The following HDAC9 variants were observed in gnomAD, a reference collection of about 807,000 sequenced individuals.
HDAC9 encodes histone deacetylase 9.
A neutral mutation model predicts 139.4 loss-of-function variants in HDAC9; 41 were observed. That is an observed-to-expected ratio of 0.29 (90% confidence interval 0.23 to 0.38). The LOEUF is 0.38. HDAC9 is among the 10% of genes least tolerant of loss of function. HDAC9 has a pLI of 1.00. For synonymous variants in HDAC9, 517 were observed against 476.2 expected (o/e 1.09, Z -1.12); for missense variants, 1,147 against 1,297.0 (o/e 0.88, Z 1.78).
At chr7:18,544,474 A>G (rs75158243) in intron 2 of HDAC9, among the ~76,000 whole-genome samples, 223 of 152,286 alleles carry the variant, frequency 1.5e-3, no homozygotes, top group African/African-American at 5.0e-3. Context: ...GTGTTTAGGA[A>G]AAGGGTCAGA....
chr7:18,747,038 G>A (rs1042963820), intron 13 of HDAC9, among the ~76,000 whole-genome samples: 8 of 152,122 alleles, frequency 5.3e-5, no homozygotes, highest in African/African-American at 1.7e-4. Flanking sequence ...CAAGAAGGAA[G>A]AATTTCCGGC....
At chr7:18,613,667 A>C (rs1584122187) in intron 6 of HDAC9, among the ~76,000 whole-genome samples, 1 of 152,128 alleles carries the variant, frequency 6.6e-6, no homozygotes, top group African/African-American at 2.4e-5. Context: ...GTTTAGAATA[A>C]CTTTTATTGA....
chr7:18,876,656 A>T (rs1390638495), intron 22 of HDAC9, among the ~76,000 whole-genome samples: 1 of 151,412 alleles, frequency 6.6e-6, no homozygotes, highest in Non-Finnish European at 1.5e-5. Context: ...CATTTTCTGT[A>T]TTTTTTCCAT....
intron 1 of HDAC9, among the ~76,000 whole-genome samples, chr7:18,125,971 T>C (rs1279533395): frequency 1.3e-5 from 2 of 152,214 alleles, no homozygotes; most frequent in Non-Finnish European, 2.9e-5. Flanking sequence ...CATTTGTTTA[T>C]TTGTTGGTCT....
At chr7:18,885,516 C>T (rs750384137) in intron 22 of HDAC9, among the ~76,000 whole-genome samples, 5 of 151,888 alleles carry the variant, frequency 3.3e-5, no homozygotes, top group Admixed American at 1.3e-4. Context: ...ATTTTACAAC[C>T]GTTTATATTT....
chr7:18,558,169 T>C (rs1003542444), intron 2 of HDAC9, among the ~76,000 whole-genome samples: 3 of 152,172 alleles, frequency 2.0e-5, no homozygotes, highest in Non-Finnish European at 2.9e-5. Flanking sequence ...TGATCCATCA[T>C]TATTAATGGT....
chr7:18,727,585 C>A lies in HDAC9; in HGVS notation c.1737C>A (p.Phe579Leu). 6 of 1,594,240 alleles carry A rather than the reference C, an allele frequency of 3.8e-6. No homozygotes were observed. Among genetic ancestry groups the A allele is most frequent in the Non-Finnish European group, 5.1e-6 (6 of 1,170,922 alleles). ...GEQAAFMQQP[F>L]LEPTHTRALS... The stretch of plus-strand genomic sequence containing the variant: ...TGCTCTTTTCTTGGCAACAGCCTTT[C>A]CTGGAACCCACGCACACACGTGCGC... Residue 579 changes from phenylalanine to leucine, a missense_variant, in exon 13 of 26, where the codon TTC becomes TTA. Phe to Leu is a conservative substitution (Grantham distance 22). Coordinates refer to ENST00000686413, the MANE Select transcript of HDAC9 (RefSeq NM_178425.4).
intron 6 of HDAC9, among the ~76,000 whole-genome samples, chr7:18,598,811 C>T: frequency 6.6e-6 from 1 of 152,208 alleles, no homozygotes; most frequent in Non-Finnish European, 1.5e-5. Flanking sequence ...ATGGGCAACT[C>T]ACAAGGCTAC....
chr7:18,926,166 T>C (rs140052400), intron 22 of HDAC9, among the ~76,000 whole-genome samples: 378 of 152,198 alleles, frequency 2.5e-3, no homozygotes, highest in Middle Eastern at 0.014. Context: ...CTGGGCAACA[T>C]AGTAAGACCC....
chr7:18,988,237 C>T (rs1044112843), intron 25 of HDAC9, among the ~76,000 whole-genome samples: 1 of 152,096 alleles, frequency 6.6e-6, no homozygotes, highest in Admixed American at 6.6e-5. Flanking sequence ...GCTTTGAATG[C>T]TTCCCAGAGA....
intron 25 of HDAC9, among the ~76,000 whole-genome samples, chr7:18,980,235 G>C (rs994689797): frequency 3.3e-5 from 5 of 152,078 alleles, no homozygotes; most frequent in African/African-American, 9.7e-5. Context: ...GCCCAGTTAT[G>C]TATTTTGGGG....
At chr7:18,760,205 A>G (rs191241443) in intron 14 of HDAC9, among the ~76,000 whole-genome samples, 6 of 152,240 alleles carry the variant, frequency 3.9e-5, no homozygotes, top group East Asian at 1.9e-4. Flanking sequence ...CTGTTTTCCA[A>G]TGCCCTGCTC....
At chr7:18,162,241 C>A in exon 2 of HDAC9, 2 of 1,266,538 alleles carry the variant, frequency 1.6e-6, no homozygotes, top group South Asian at 1.3e-5. Flanking sequence ...TTCTCCTCTG[C>A]CAACCCCTCC....
intron 7 of HDAC9, among the ~76,000 whole-genome samples, chr7:18,630,979 A>G (rs1029532305): frequency 3.3e-5 from 5 of 152,084 alleles, no homozygotes; most frequent in African/African-American, 9.7e-5. Context: ...ATATAATGCT[A>G]TTTTATTTTG....
At chr7:18,650,356 A>G (rs918602320) in intron 11 of HDAC9, among the ~76,000 whole-genome samples, 1 of 152,152 alleles carries the variant, frequency 6.6e-6, no homozygotes, top group Non-Finnish European at 1.5e-5. Flanking sequence ...GCTTGGTTCT[A>G]TTTCCTAGAA....
chr7:18,162,157 T>A, intron 1 of HDAC9: 1 of 623,772 alleles, frequency 1.6e-6, no homozygotes, highest in Non-Finnish European at 2.8e-6. Flanking sequence ...CAAGGCCAGT[T>A]CTCTGTGTTT....
chr7:18,977,619 C>T (rs779971842), intron 25 of HDAC9, among the ~76,000 whole-genome samples: 2 of 151,986 alleles, frequency 1.3e-5, no homozygotes, highest in Admixed American at 1.3e-4. Context: ...TGGCTTCAGT[C>T]CACAGTGATT....
At chr7:18,575,213 G>A (rs1185214973) in intron 2 of HDAC9, among the ~76,000 whole-genome samples, 2 of 152,140 alleles carry the variant, frequency 1.3e-5, no homozygotes. Context: ...AAGCATTTCA[G>A]CATGTCTCAA....
intron 21 of HDAC9, among the ~76,000 whole-genome samples, chr7:18,847,318 T>A (rs1796975400): frequency 6.6e-6 from 1 of 152,234 alleles, no homozygotes; most frequent in South Asian, 2.1e-4. Flanking sequence ...GTGATTACTT[T>A]TCAAAACATT....
Sources: allele counts gnomAD v4.1 joint callset (sites outside exome capture counted in the v4.1 genomes callset), GRCh38; gene constraint gnomAD v4.1.1; transcripts MANE v1.5; gene names NCBI Gene and HGNC (gene_info 2026-07-23, HGNC 2026-07-21).